PTPRD: variants seen among roughly 807,000 people sequenced by gnomAD.
PTPRD encodes receptor-type tyrosine-protein phosphatase delta.
In PTPRD, 34 loss-of-function variants were observed where a neutral mutation model predicts 214.5. The ratio of observed to expected loss-of-function variants is 0.16; its 90% CI spans 0.12 to 0.21. The LOEUF (loss-of-function observed/expected upper bound fraction) is 0.21. Among genes scored for constraint, PTPRD ranks in the 10% least tolerant of loss-of-function variants. PTPRD has a pLI of 1.00. For missense variants in PTPRD, 2,545 were observed against 2,398.7 expected (o/e 1.06, Z -1.27); for synonymous variants, 1,128 against 845.7 (o/e 1.33, Z -5.79).
intron 2 of PTPRD, among the ~76,000 whole-genome samples, chr9:10,609,399 T>A (rs1352161051): frequency 6.6e-6 from 1 of 152,146 alleles, no homozygotes; most frequent in Admixed American, 6.5e-5. Flanking sequence ...CCCTCTACCA[T>A]AATCCAGTTT....
rs368681742 is a variant in PTPRD at position 9,948,730 on chromosome 9, A to G, written c.-471-10120T>C. Among the ~76,000 whole-genome samples, 236 of 152,166 alleles carry G rather than the reference A, an allele frequency of 1.6e-3. 9 individuals carry two copies. In the South Asian group the frequency reaches 0.048, roughly 31 times the overall value. ...TGGCAGTAATTCTAGGGGCATTGTT[A>G]AAAAGATAAGAGAAAGGAGATTTAT... On this transcript the variant is annotated intron_variant, in intron 4 of 45. Transcript: ENST00000381196.
At chr9:8,682,859 G>A (rs2097576287) in intron 12 of PTPRD, among the ~76,000 whole-genome samples, 1 of 152,120 alleles carries the variant, frequency 6.6e-6, no homozygotes, top group African/African-American at 2.4e-5. Flanking sequence ...GGTTTTTGCT[G>A]TTCCTTTCTG....
chr9:10,209,202 G>C lies in PTPRD; in HGVS notation c.-545+131761C>G, dbSNP rs376788275. 5.3e-5 allele frequency among the ~76,000 whole-genome samples: 8 copies of C among 152,212 alleles called. No individual in the cohort carries two copies. The East Asian group carries it at 1.5e-3, about 29-fold the overall frequency. Reference sequence around the variant, plus strand: ...AGTATAGAATCAACTTTTCCAAGGAGTCCATAATAGCAAGGATTTGGAAAG... The same window carrying C: ...AGTATAGAATCAACTTTTCCAAGGACTCCATAATAGCAAGGATTTGGAAAG... On this transcript the variant is annotated intron_variant, in intron 3 of 45. Transcript: ENST00000381196.
rs1555336933 is a variant in PTPRD, at chr9:8,786,033, T to TGTGTG, written c.-103-52088_-103-52087insCACAC. Among the ~76,000 whole-genome samples the TGTGTG allele has an allele frequency of 8.4e-5, 12 of 143,328 alleles. No individual in the cohort carries two copies. The South Asian group carries it at 2.7e-3, about 32-fold the overall frequency. The allele number at this position is 143,328 out of a possible 152,430, so 94.0% of individuals were successfully genotyped here. On this transcript the variant is annotated intron_variant, in intron 11 of 45. Transcript: ENST00000381196. ...GCAGTCTGAGAAGCCGCTTAATTTG[T>TGTGTG]TGTGTGTGTGTGTGTGTGTGTGTGT...
At chr9:10,526,436 A>G (rs1172761237) in intron 2 of PTPRD, among the ~76,000 whole-genome samples, 1 of 152,106 alleles carries the variant, frequency 6.6e-6, no homozygotes, top group African/African-American at 2.4e-5. Context: ...TGCCAATTTC[A>G]TCTTATAAGG....
chr9:9,891,465 T>C (rs1000218811), intron 5 of PTPRD, among the ~76,000 whole-genome samples: 11 of 151,894 alleles, frequency 7.2e-5, no homozygotes, highest in East Asian at 1.9e-4. Flanking sequence ...TACTAACATA[T>C]AGACCATTAT....
At chr9:9,699,771 G>A (rs764459665) in intron 7 of PTPRD, among the ~76,000 whole-genome samples, 3 of 152,142 alleles carry the variant, frequency 2.0e-5, no homozygotes, top group Non-Finnish European at 4.4e-5. Context: ...AGAACTGGAA[G>A]CAAGAAGCCA....
At chr9:10,271,316 T>C (rs1372464233) in intron 3 of PTPRD, among the ~76,000 whole-genome samples, 2 of 152,178 alleles carry the variant, frequency 1.3e-5, no homozygotes, top group Non-Finnish European at 2.9e-5. Flanking sequence ...TTACAAATAC[T>C]ATTTAACACC....
intron 2 of PTPRD, among the ~76,000 whole-genome samples, chr9:10,363,996 T>TATGTTGC (rs1555222208): frequency 1.0e-5 from 1 of 98,632 alleles, no homozygotes; most frequent in Non-Finnish European, 2.0e-5. Flanking sequence ...TTCGGGTTTT[T>TATGTTGC]TTTTTTTTTT....
In PTPRD at chr9:9,727,027, C is replaced by T. The variant is rs538338890; in HGVS notation, c.-287+7506G>A. Reference sequence around the variant, plus strand: ...GATAGTATTTATATTTTGGTGAACACCTGGAGAAGAGCTGCTTGATTTAGG... The same window carrying T: ...GATAGTATTTATATTTTGGTGAACATCTGGAGAAGAGCTGCTTGATTTAGG... On this transcript the variant is annotated intron_variant, in intron 7 of 45. Coordinates refer to ENST00000381196, the MANE Select transcript of PTPRD (RefSeq NM_002839.4). 2.0e-5 allele frequency among the ~76,000 whole-genome samples: 3 copies of T among 152,198 alleles called. No homozygotes were observed. The East Asian group carries it at 5.8e-4, about 29-fold the overall frequency.
chr9:8,444,308 A>T (rs923307082), intron 34 of PTPRD, among the ~76,000 whole-genome samples: 10 of 152,178 alleles, frequency 6.6e-5, no homozygotes, highest in African/African-American at 2.4e-4. Context: ...ACTCACTTGA[A>T]AAAAGTCCAT....
chr9:9,579,501 A>G (rs2090084376), intron 7 of PTPRD, among the ~76,000 whole-genome samples: 1 of 152,128 alleles, frequency 6.6e-6, no homozygotes, highest in Admixed American at 6.6e-5. Context: ...AACGTGTGCC[A>G]TGGTGGTTTA....
intron 9 of PTPRD, among the ~76,000 whole-genome samples, chr9:9,382,901 C>T (rs887323551): frequency 6.6e-6 from 1 of 151,966 alleles, no homozygotes; most frequent in Non-Finnish European, 1.5e-5. Flanking sequence ...AAACAACCAA[C>T]CTAAATGCCC....
At chr9:9,226,248 C>T (rs1569564735) in intron 9 of PTPRD, among the ~76,000 whole-genome samples, 1 of 151,578 alleles carries the variant, frequency 6.6e-6, no homozygotes, top group South Asian at 2.1e-4. Flanking sequence ...GTCTGTTTCT[C>T]TGTGCAAAGG....
At chr9:10,401,632 A>G (rs1323800751) in intron 2 of PTPRD, among the ~76,000 whole-genome samples, 9 of 148,118 alleles carry the variant, frequency 6.1e-5, no homozygotes, top group South Asian at 2.2e-4. Context: ...TATAGTATTA[A>G]ATTATCATCT....
At chr9:9,811,391 G>A (rs1255074112) in intron 5 of PTPRD, among the ~76,000 whole-genome samples, 4 of 152,132 alleles carry the variant, frequency 2.6e-5, no homozygotes, top group African/African-American at 9.7e-5. Context: ...TTTAACAAAT[G>A]AGAAGTTGCT....
chr9:9,589,313 G>C (rs1238426129), intron 7 of PTPRD, among the ~76,000 whole-genome samples: 1 of 151,498 alleles, frequency 6.6e-6, no homozygotes, highest in African/African-American at 2.4e-5. Flanking sequence ...GATGTTCTTG[G>C]TTGCAGCTAT....
intron 2 of PTPRD, among the ~76,000 whole-genome samples, chr9:10,349,270 C>A (rs1565461067): frequency 6.7e-6 from 1 of 150,350 alleles, no homozygotes; most frequent in African/African-American, 2.4e-5. Flanking sequence ...GGGTGGGGGG[C>A]ATCCTTAACT....
chr9:9,086,424 G>C (rs530472972), intron 10 of PTPRD, among the ~76,000 whole-genome samples: 12 of 152,140 alleles, frequency 7.9e-5, no homozygotes, highest in Non-Finnish European at 1.2e-4. Context: ...TCTTAAGAAG[G>C]CTAGGAGCCT....
Sources: allele counts gnomAD v4.1 joint callset (sites outside exome capture counted in the v4.1 genomes callset), GRCh38; gene constraint gnomAD v4.1.1; transcripts MANE v1.5; gene names NCBI Gene and HGNC (gene_info 2026-07-23, HGNC 2026-07-21).